Variants in MORF4L1 observed in about 807,000 individuals in gnomAD.
MORF4L1 encodes mortality factor 4-like protein 1.
MORF4L1 carries 4 observed loss-of-function variants against 52.9 expected under a neutral mutation model. The observed-to-expected ratio is 0.08, with a 90% CI of 0.04 to 0.17. The LOEUF (loss-of-function observed/expected upper bound fraction) is 0.17. Among genes scored for constraint, MORF4L1 ranks in the 10% least tolerant of loss-of-function variants. MORF4L1 has a pLI of 1.00. For synonymous variants in MORF4L1, 123 were observed against 134.8 expected (o/e 0.91, Z 0.61); for missense variants, 214 against 390.4 (o/e 0.55, Z 3.81).
Position 78,897,959 on chromosome 15 carries a change from A to AT in MORF4L1, c.*896dup, listed in dbSNP as rs1259092964. On this transcript the variant is annotated 3_prime_UTR_variant, in exon 12 of 12. Coordinates refer to ENST00000426013, the MANE Select transcript of MORF4L1 (RefSeq NM_006791.4). ...AGAAGTTTACATGACTGTTTTTTTT[A>AT]TTTTCCCTAAATTATTACTTACTCT... 6.6e-6 allele frequency: 1 copy of AT among 151,878 alleles called. No individual in the cohort carries two copies. The highest frequency in any genetic ancestry group is 1.5e-5 in the Non-Finnish European group (1 of 67,956). 9.4% of individuals were successfully genotyped at this position (151,878 alleles called of 1,614,324 possible).
chr15:78,887,686 C>T (rs1053794176), intron 5 of MORF4L1, among the ~76,000 whole-genome samples: 1 of 152,220 alleles, frequency 6.6e-6, no homozygotes, highest in Non-Finnish European at 1.5e-5. Context: ...AAAATACATA[C>T]GAATTAACCT....
Position 78,898,037 on chromosome 15 carries a change from C to A in MORF4L1, c.*970C>A, listed in dbSNP as rs1292694219. Reference sequence around the variant, plus strand: ...GTGTAAAATTATGGTCAGCTTTTTTCTGTCTATAATTGTTTACTTTTGTGG... The same window carrying A: ...GTGTAAAATTATGGTCAGCTTTTTTATGTCTATAATTGTTTACTTTTGTGG... On this transcript the variant is annotated 3_prime_UTR_variant, in exon 12 of 12. Coordinates refer to ENST00000426013, the MANE Select transcript of MORF4L1 (RefSeq NM_006791.4). 1 of 152,094 alleles carries A rather than the reference C, an allele frequency of 6.6e-6. No individual in the cohort carries two copies. Among genetic ancestry groups the A allele is most frequent in the Non-Finnish European group, 1.5e-5 (1 of 68,012 alleles). 9.4% of individuals were successfully genotyped at this position (152,094 alleles called of 1,614,324 possible).
At chr15:78,886,116 A>T in intron 3 of MORF4L1, 25 bp from the exon 4 acceptor site, 1 of 1,584,060 alleles carries the variant, frequency 6.3e-7, no homozygotes, top group East Asian at 2.2e-5. Flanking sequence ...TTTTTGAGTT[A>T]AATTTTAACT....
chr15:78,873,037 C>G lies in MORF4L1; in HGVS notation c.20C>G (p.Pro7Arg). Residue 7 changes from proline (P) to arginine (R), a missense_variant, in exon 1 of 12, where the codon CCG (proline) becomes CGG (arginine). Coordinates refer to ENST00000426013, the MANE Select transcript of MORF4L1 (RefSeq NM_006791.4). MAPKQD[P>R]KPKFQEGERV... ...TTATAAATGGCGCCGAAGCAGGACC[C>G]GAAGCCTAAATTCCAGGAGGGTGAG... 1 of 1,552,754 alleles carries G rather than the reference C, an allele frequency of 6.4e-7. No homozygotes were observed. The highest frequency in any genetic ancestry group is 8.7e-7 in the Non-Finnish European group (1 of 1,147,394).
chr15:78,886,492 A>C (rs2056705678), intron 4 of MORF4L1: 1 of 366,732 alleles, frequency 2.7e-6, no homozygotes, highest in Non-Finnish European at 5.0e-6. Flanking sequence ...GTATGAACTC[A>C]CTGATAAAAA....
At chr15:78,893,314 C>T (rs74024472) in intron 8 of MORF4L1, among the ~76,000 whole-genome samples, 147 of 152,276 alleles carry the variant, frequency 9.7e-4, no homozygotes, top group African/African-American at 3.3e-3. Flanking sequence ...GGGGTTACAT[C>T]GCAATAAACC....
chr15:78,879,374 A>C (rs2056557348), intron 2 of MORF4L1, among the ~76,000 whole-genome samples: 2 of 152,094 alleles, frequency 1.3e-5, no homozygotes, highest in Non-Finnish European at 2.9e-5. Flanking sequence ...GGCACCAGCC[A>C]CCACACCTGG....
In MORF4L1 at chr15:78,886,225, T is replaced by C. The variant is rs2056700581; in HGVS notation, c.240T>C (p.Asn80=). 1 of 1,611,876 alleles carries C rather than the reference T, an allele frequency of 6.2e-7. No individual in the cohort carries two copies. The change falls in exon 4 of 12, where the codon AAT becomes AAC. Residue 80 remains asparagine (N), a splice_region_variant and synonymous_variant. Transcript: ENST00000426013. ...LQKQRELQKA[N]QEQYAEGKMR... is the part of the protein sequence containing the mutation. The stretch of plus-strand genomic sequence containing the variant: ...AACAGCGAGAACTTCAAAAAGCCAA[T>C]CAGTAAGTTTGTTTTGTGAACTGAA...
Position 78,872,947 on chromosome 15 carries a change from G to T in MORF4L1, c.-71G>T. The T allele has an allele frequency of 6.6e-7, 1 of 1,526,108 alleles. No individual in the cohort carries two copies. Among genetic ancestry groups the T allele is most frequent in the Non-Finnish European group, 8.8e-7 (1 of 1,137,938 alleles). 94.5% of individuals were successfully genotyped at this position (1,526,108 alleles called of 1,614,324 possible). A position where few individuals can be genotyped will look rare whatever the true frequency, so the allele number is the denominator to read the frequency against. The stretch of plus-strand genomic sequence containing the variant: ...CTGACGGCGCGTCTGACGCGGAGTT[G>T]GGTGGGGTAGAGAGTAGGGGGCGGT... On this transcript the variant is annotated 5_prime_UTR_variant, in exon 1 of 12. Transcript: ENST00000426013.
At chr15:78,887,804 G>T (rs975252318) in intron 5 of MORF4L1, among the ~76,000 whole-genome samples, 18 of 152,170 alleles carry the variant, frequency 1.2e-4, no homozygotes, top group African/African-American at 4.3e-4. Context: ...TTGAGACAGA[G>T]TTTCCCTCTT....
intron 1 of MORF4L1, chr15:78,877,855 G>A: frequency 5.7e-6 from 1 of 174,458 alleles, no homozygotes; most frequent in Non-Finnish European, 1.2e-5. Context: ...TAGAAAAACA[G>A]ATGAGGAAAG....
chr15:78,881,189 C>CTTTTTTTTTTTTT (rs570514618), intron 3 of MORF4L1, among the ~76,000 whole-genome samples: 698 of 67,150 alleles, frequency 0.01, 103 homozygotes, highest in African/African-American at 0.036. Flanking sequence ...AGAGTTAAGC[C>CTTTTTTTTTTTTT]TTTTTTTTTT....
intron 10 of MORF4L1, 55 bp downstream of exon 10, chr15:78,894,285 A>G (rs2056847467): frequency 7.1e-7 from 1 of 1,411,562 alleles, no homozygotes; most frequent in Non-Finnish European, 9.6e-7. Flanking sequence ...TCTTCTCTAA[A>G]TGAATAAGAG....
At chr15:78,894,428 T>G in intron 10 of MORF4L1, 198 bp downstream of exon 10, 1 of 377,250 alleles carries the variant, frequency 2.7e-6, no homozygotes, top group Non-Finnish European at 4.2e-6. Context: ...TTTTTTTTTT[T>G]GAGACAGACA....
At chr15:78,887,485 A>C (rs1828322001) in intron 5 of MORF4L1, 136 bp downstream of exon 5, 1 of 674,656 alleles carries the variant, frequency 1.5e-6, no homozygotes, top group African/African-American at 1.8e-5. Flanking sequence ...CTCAGGTATC[A>C]GGTCGTTAAA....
chr15:78,880,792 G>T (rs942341612), intron 3 of MORF4L1, among the ~76,000 whole-genome samples: 1 of 150,936 alleles, frequency 6.6e-6, no homozygotes, highest in Non-Finnish European at 1.5e-5. Flanking sequence ...GGGAATATTT[G>T]TTATGTTCTA....
At position 78,887,281 on chromosome 15, in the gene MORF4L1, A is replaced by C. The variant is rs151134386; in HGVS notation, c.255A>C (p.Ala85=). 503 of 1,610,340 alleles carry C rather than the reference A, an allele frequency of 3.1e-4. No homozygotes were observed. Among genetic ancestry groups the C allele is most frequent in the Non-Finnish European group, 2.2e-4 (262 of 1,179,392 alleles). Reference sequence around the variant, plus strand: ...ATTATTTTTGAAGGGAGCAGTATGCAGAGGGGAAGATGAGAGGGGCTGCCC... The same window carrying C: ...ATTATTTTTGAAGGGAGCAGTATGCCGAGGGGAAGATGAGAGGGGCTGCCC... ...ELQKANQEQY[A]EGKMRGAAPG... The change falls in exon 5 of 12, where the codon GCA becomes GCC. Residue 85 remains alanine (A), a synonymous_variant. Coordinates refer to ENST00000426013, the MANE Select transcript of MORF4L1 (RefSeq NM_006791.4).
intron 10 of MORF4L1, 121 bp downstream of exon 10, chr15:78,894,351 AGAATGTT>A: frequency 1.4e-6 from 1 of 723,968 alleles, no homozygotes; most frequent in Non-Finnish European, 2.1e-6. Flanking sequence ...ACTTTTATCT[AGAATGTT>A]AAATAGCAAA....
intron 10 of MORF4L1, 26 bp downstream of exon 10, chr15:78,894,256 G>C: frequency 6.4e-7 from 1 of 1,558,916 alleles, no homozygotes; most frequent in Non-Finnish European, 8.7e-7. Flanking sequence ...GAAAATAATG[G>C]ATTTTACTTT....
Sources: allele counts gnomAD v4.1 joint callset (sites outside exome capture counted in the v4.1 genomes callset), GRCh38; gene constraint gnomAD v4.1.1; transcripts MANE v1.5; gene names NCBI Gene and HGNC (gene_info 2026-07-23, HGNC 2026-07-21).